LMOD1: variants seen among roughly 807,000 people sequenced by gnomAD.
The protein encoded by LMOD1 is leiomodin 1.
LMOD1 carries 8 observed loss-of-function variants against 36.5 expected under a neutral mutation model. The observed-to-expected ratio is 0.22, with a 90% CI of 0.13 to 0.40. LMOD1 has a LOEUF of 0.40. Among genes scored for constraint, LMOD1 ranks in the 10% least tolerant of loss-of-function variants. LMOD1 has a pLI of 1.00. For missense variants in LMOD1, 630 were observed against 751.1 expected (o/e 0.84, Z 1.88); for synonymous variants, 284 against 288.7 (o/e 0.98, Z 0.17).
At chr1:201,909,348 C>T (rs10920275) in intron 1 of LMOD1, among the ~76,000 whole-genome samples, 2,264 of 152,346 alleles carry the variant, frequency 0.015, 50 homozygotes, top group African/African-American at 0.049. Flanking sequence ...GTGAAGAAAC[C>T]AGAGAAATTC....
At position 201,946,098 on chromosome 1, in the gene LMOD1, C is replaced by T; in HGVS notation, c.243G>A (p.Gln81=). Residue 81 remains glutamine, a synonymous_variant, in exon 1 of 3, where the codon CAG becomes CAA. Coordinates refer to ENST00000367288, the MANE Select transcript of LMOD1 (RefSeq NM_012134.3). ...CACTCACATCCATGGACATCTCCCT[C>T]TGCATAAGTTTCTTGGTCTCCTTTT... The part of the protein sequence containing the change: ...FCEKETKKLM[Q]REMSMDESKQ... 1.2e-6 allele frequency: 2 copies of T among 1,613,998 alleles called. No individual in the cohort carries two copies. The highest frequency in any genetic ancestry group is 2.2e-5 in the East Asian group (1 of 44,876).
intron 1 of LMOD1, among the ~76,000 whole-genome samples, chr1:201,939,947 G>T (rs540003598): frequency 6.6e-6 from 1 of 152,038 alleles, no homozygotes; most frequent in African/African-American, 2.4e-5. Flanking sequence ...AGATAAGACC[G>T]GGGCTTTGTC....
intron 1 of LMOD1, among the ~76,000 whole-genome samples, chr1:201,944,927 A>C (rs1470947647): frequency 3.9e-5 from 6 of 152,162 alleles, no homozygotes; most frequent in African/African-American, 1.4e-4. Context: ...TAATGTTCCC[A>C]TTCTCAGTTC....
At chr1:201,933,528 TCTCTATATATATA>T (rs1410056402) in intron 1 of LMOD1, among the ~76,000 whole-genome samples, 1 of 125,410 alleles carries the variant, frequency 8.0e-6, no homozygotes, top group Admixed American at 9.0e-5. Flanking sequence ...TCTCTCTCTC[TCTCTATATATATA>T]ATACATATAT....
At chr1:201,934,907 A>G (rs114948335) in intron 1 of LMOD1, among the ~76,000 whole-genome samples, 20 of 152,316 alleles carry the variant, frequency 1.3e-4, no homozygotes, top group Non-Finnish European at 2.6e-4. Flanking sequence ...TCCTCTGCCA[A>G]CACCTAAATG....
intron 1 of LMOD1, among the ~76,000 whole-genome samples, chr1:201,904,292 C>G (rs991080318): frequency 1.3e-4 from 20 of 152,170 alleles, no homozygotes; most frequent in African/African-American, 4.6e-4. Flanking sequence ...CTCACTGCAA[C>G]CTCTGCCTTC....
intron 1 of LMOD1, among the ~76,000 whole-genome samples, chr1:201,902,726 T>A (rs1182632289): frequency 1.3e-5 from 2 of 151,836 alleles, no homozygotes; most frequent in African/African-American, 4.8e-5. Flanking sequence ...ATTACAGGCG[T>A]GAGCCGCCGC....
intron 1 of LMOD1, among the ~76,000 whole-genome samples, chr1:201,945,509 G>A (rs1008863121): frequency 5.3e-5 from 8 of 152,136 alleles, no homozygotes; most frequent in Admixed American, 6.5e-5. Context: ...AGGTCTTTAA[G>A]CCACATTTCC....
chr1:201,921,282 G>A (rs1304961522), intron 1 of LMOD1, among the ~76,000 whole-genome samples: 1 of 151,948 alleles, frequency 6.6e-6, no homozygotes, highest in Non-Finnish European at 1.5e-5. Context: ...GAGGTCAGGA[G>A]TTCGAGGCTA....
chr1:201,943,409 G>C lies in LMOD1; in HGVS notation c.261+2671C>G, dbSNP rs909140623. On this transcript the variant is annotated intron_variant, in intron 1 of 2. Transcript: ENST00000367288. Reference sequence around the variant, plus strand: ...AAATGCTCATCTTGCTTTACTCTCTGTTTTGACCACTTTTCAGTTCCTCAC... The same window carrying C: ...AAATGCTCATCTTGCTTTACTCTCTCTTTTGACCACTTTTCAGTTCCTCAC... 2.6e-5 allele frequency among the ~76,000 whole-genome samples: 4 copies of C among 152,346 alleles called. No individual in the cohort carries two copies. The East Asian group carries it at 5.8e-4, about 22-fold the overall frequency.
chr1:201,913,935 T>C (rs558605940), intron 1 of LMOD1, among the ~76,000 whole-genome samples: 2 of 152,322 alleles, frequency 1.3e-5, no homozygotes, highest in South Asian at 4.1e-4. Context: ...ACACTTGGGC[T>C]GTTTTTGGCT....
chr1:201,920,701 C>A (rs1681689375), intron 1 of LMOD1, among the ~76,000 whole-genome samples: 1 of 152,124 alleles, frequency 6.6e-6, no homozygotes, highest in Non-Finnish European at 1.5e-5. Context: ...GGCCAAGTGG[C>A]CTCTACACAG....
intron 1 of LMOD1, among the ~76,000 whole-genome samples, chr1:201,917,511 C>T (rs540449774): frequency 2.0e-5 from 3 of 152,220 alleles, no homozygotes; most frequent in Admixed American, 6.5e-5. Flanking sequence ...CAGATCTTCT[C>T]GGCCAATGAA....
Position 201,900,314 on chromosome 1 carries a change from T to G in LMOD1, c.699A>C (p.Arg233Ser). 2.5e-6 allele frequency: 4 copies of G among 1,600,048 alleles called. No individual in the cohort carries two copies. Among genetic ancestry groups the G allele is most frequent in the Non-Finnish European group, 3.4e-6 (4 of 1,172,608 alleles). The change falls in exon 2 of 3, where the codon AGA becomes AGC. Residue 233 changes from arginine (R) to serine (S), a missense_variant. Physicochemically the swap from Arg to Ser is moderately radical, Grantham distance 110 (BLOSUM62 -1). Transcript: ENST00000367288. ...CTCTTTTCATCTTCTCACCCTCTTT[T>G]CTGGTGTCTGTGTTCCTACGCTCCC... ...VKGERRNTDT[R>S]KEGEKMKRAG...
intron 1 of LMOD1, among the ~76,000 whole-genome samples, chr1:201,913,928 CTT>C (rs1361238659): frequency 2.6e-5 from 4 of 152,092 alleles, no homozygotes; most frequent in Non-Finnish European, 4.4e-5. Context: ...TTGATAGACA[CTT>C]GGGCTGTTTT....
intron 1 of LMOD1, among the ~76,000 whole-genome samples, chr1:201,931,007 G>A (rs541427548): frequency 6.6e-6 from 1 of 152,342 alleles, no homozygotes; most frequent in Middle Eastern, 3.4e-3. Flanking sequence ...CAGTGCGGGG[G>A]CAGAGACGTC....
At chr1:201,927,597 A>C (rs935197968) in intron 1 of LMOD1, among the ~76,000 whole-genome samples, 2 of 152,044 alleles carry the variant, frequency 1.3e-5, no homozygotes, top group Non-Finnish European at 2.9e-5. Flanking sequence ...ACAAAAAAAA[A>C]AAAAGAAGAA....
chr1:201,915,645 A>G (rs895204504), intron 1 of LMOD1, among the ~76,000 whole-genome samples: 1 of 152,160 alleles, frequency 6.6e-6, no homozygotes, highest in Non-Finnish European at 1.5e-5. Context: ...CCCTACCAGT[A>G]GCCCAAGTGA....
chr1:201,918,659 T>G (rs532667736), intron 1 of LMOD1, among the ~76,000 whole-genome samples: 1 of 152,282 alleles, frequency 6.6e-6, no homozygotes, highest in East Asian at 1.9e-4. Flanking sequence ...TGGCTAACAC[T>G]TCTTCTTTTG....
Sources: allele counts gnomAD v4.1 joint callset (sites outside exome capture counted in the v4.1 genomes callset), GRCh38; gene constraint gnomAD v4.1.1; transcripts MANE v1.5; gene names NCBI Gene and HGNC (gene_info 2026-07-23, HGNC 2026-07-21).